Variants in SFT2D2 observed in about 807,000 individuals in gnomAD.
The protein encoded by SFT2D2 is vesicle transport protein SFT2B.
In SFT2D2, 21 loss-of-function variants were observed where a neutral mutation model predicts 27.4. The ratio of observed to expected loss-of-function variants is 0.77; its 90% CI spans 0.54 to 1.10. The LOEUF (loss-of-function observed/expected upper bound fraction) is 1.10. SFT2D2 is among the 50% of genes least tolerant of loss of function. The probability of loss-of-function intolerance (pLI) is 0.00; values close to 1 mark genes in which losing one functional copy is unlikely to be tolerated. For synonymous variants in SFT2D2, 72 were observed against 71.7 expected (o/e 1.00, Z -0.02); for missense variants, 187 against 194.2 (o/e 0.96, Z 0.22).
At chr1:168,230,231 T>C (rs1700498638) in intron 1 of SFT2D2, among the ~76,000 whole-genome samples, 1 of 152,150 alleles carries the variant, frequency 6.6e-6, no homozygotes, top group Non-Finnish European at 1.5e-5. Context: ...GTCTAATGAC[T>C]CTTGACTTTC....
intron 3 of SFT2D2, among the ~76,000 whole-genome samples, chr1:168,233,293 T>C (rs749518185): frequency 6.6e-6 from 1 of 152,234 alleles, no homozygotes; most frequent in African/African-American, 2.4e-5. Flanking sequence ...AAGCTACCTC[T>C]TCTATGAAGC....
intron 1 of SFT2D2, among the ~76,000 whole-genome samples, chr1:168,230,914 GT>G (rs11305772): frequency 0.58 from 88,401 of 151,992 alleles, 26,240 homozygotes; most frequent in Non-Finnish European, 0.65. Flanking sequence ...GACTCAGGAT[GT>G]AACAGGACAG....
chr1:168,246,930 T>C lies in SFT2D2; in HGVS notation c.*4390T>C, dbSNP rs756080950. ...TTCCAGGATTTGATTTTTTATTGTG[T>C]GTATTTCCAGCCTGAGCCTGGCAAT... On this transcript the variant is annotated 3_prime_UTR_variant, in exon 8 of 8. Coordinates refer to ENST00000271375, the MANE Select transcript of SFT2D2 (RefSeq NM_199344.3). The C allele has an allele frequency of 3.2e-6, 2 of 627,126 alleles. No homozygotes were observed. The highest frequency in any genetic ancestry group is 3.7e-5 in the African/African-American group (2 of 54,100). The allele number at this position is 627,126 out of a possible 1,614,324, so 38.8% of individuals were successfully genotyped here. A position where few individuals can be genotyped will look rare whatever the true frequency, so the allele number is the denominator to read the frequency against.
Position 168,231,071 on chromosome 1 carries a change from C to T in SFT2D2, c.64-443C>T, listed in dbSNP as rs550359632. 1.2e-3 allele frequency among the ~76,000 whole-genome samples: 183 copies of T among 152,224 alleles called. 2 individuals are homozygous for T. Among genetic ancestry groups the T allele is most frequent in the African/African-American group, 4.2e-3 (176 of 41,530 alleles). ...ACCAGTGGAGCAGCTGCTTGAGTGC[C>T]GTCCCCTCATCTTTTCCTTATTTCC... On this transcript the variant is annotated intron_variant, in intron 1 of 7. Transcript: ENST00000271375.
rs1418035037 is a variant in SFT2D2, at chr1:168,252,908, T to A, written c.*10368T>A. The A allele has an allele frequency of 6.6e-6, 1 of 152,254 alleles. No individual in the cohort carries two copies. The highest frequency in any genetic ancestry group is 1.5e-5 in the Non-Finnish European group (1 of 68,046). 9.4% of individuals were successfully genotyped at this position (152,254 alleles called of 1,614,324 possible). ...TTTCATTTACTAAATATTGTTTTCT[T>A]TATGCTAACTTAACTTTAAAAGGAA... On this transcript the variant is annotated 3_prime_UTR_variant, in exon 8 of 8. Coordinates refer to ENST00000271375, the MANE Select transcript of SFT2D2 (RefSeq NM_199344.3).
rs139098348 is a variant in SFT2D2 at position 168,226,085 on chromosome 1, C to G, written c.6C>G (p.Asp2Glu). ...CTGGTGGGGACTGGGCCGCAATGGA[C>G]AAGCTGAAGAAGGTGCTGAGCGGGC... Reference protein sequence around the residue: MDKLKKVLSGQD... With the variant: MEKLKKVLSGQD... The change falls in exon 1 of 8, where the codon GAC becomes GAG. Residue 2 changes from aspartate (D) to glutamate (E), a missense_variant. Physicochemically the swap from Asp to Glu is conservative, Grantham distance 45 (BLOSUM62 2). Transcript: ENST00000271375. The G allele has an allele frequency of 6.5e-7, 1 of 1,533,782 alleles. No homozygotes were observed. The highest frequency in any genetic ancestry group is 8.8e-7 in the Non-Finnish European group (1 of 1,139,392).
rs1254575021 is a variant in SFT2D2, at chr1:168,239,258, T to G, written c.443+98T>G. 8.4e-6 allele frequency: 8 copies of G among 952,180 alleles called. No individual in the cohort carries two copies. In the Admixed American group the frequency reaches 1.5e-4, roughly 18 times the overall value. 59.0% of individuals were successfully genotyped at this position (952,180 alleles called of 1,614,324 possible). A position where few individuals can be genotyped will look rare whatever the true frequency, so the allele number is the denominator to read the frequency against. ...ATTTTATTTATCTTTACTGAAGTCT[T>G]TTGAGTCAAGTAGACAAATACTATA... is the stretch of plus-strand genomic sequence containing the variant. On this transcript the variant is annotated intron_variant, in intron 7 of 7. Coordinates refer to ENST00000271375, the MANE Select transcript of SFT2D2 (RefSeq NM_199344.3).
At chr1:168,239,233 A>G (rs1400825094) in intron 7 of SFT2D2, 73 bp downstream of exon 7, 8 of 1,145,848 alleles carry the variant, frequency 7.0e-6, no homozygotes, top group Non-Finnish European at 1.0e-5. Flanking sequence ...AGTATAGCCT[A>G]TTTTATTTAT....
Position 168,245,086 on chromosome 1 carries a change from A to T in SFT2D2, c.*2546A>T, listed in dbSNP as rs1395177970. The T allele has an allele frequency of 6.6e-6, 1 of 152,302 alleles. No homozygotes were observed. Among genetic ancestry groups the T allele is most frequent in the East Asian group, 1.9e-4 (1 of 5,176 alleles). 9.4% of individuals were successfully genotyped at this position (152,302 alleles called of 1,614,324 possible). On this transcript the variant is annotated 3_prime_UTR_variant, in exon 8 of 8. Coordinates refer to ENST00000271375, the MANE Select transcript of SFT2D2 (RefSeq NM_199344.3). ...TGTACTGAAAATTCTAGCCACTGCAATCATGTTTTAATTGGGAGTAGGGGG... is the reference window on the plus strand; with the variant it reads ...TGTACTGAAAATTCTAGCCACTGCATTCATGTTTTAATTGGGAGTAGGGGG...
rs1275843590 is a variant in SFT2D2 at position 168,245,686 on chromosome 1, C to T, written c.*3146C>T. 1 of 150,994 alleles carries T rather than the reference C, an allele frequency of 6.6e-6. No individual in the cohort carries two copies. The highest frequency in any genetic ancestry group is 1.5e-5 in the Non-Finnish European group (1 of 67,948). The allele number at this position is 150,994 out of a possible 1,614,324, so 9.4% of individuals were successfully genotyped here. A position where few individuals can be genotyped will look rare whatever the true frequency, so the allele number is the denominator to read the frequency against. On this transcript the variant is annotated 3_prime_UTR_variant, in exon 8 of 8. Transcript: ENST00000271375. ...CAGCTGGTTCCTAACAGGTCATGGACCTGTCCATGGCCTGTAGGTTGGGAA... is the reference window on the plus strand; with the variant it reads ...CAGCTGGTTCCTAACAGGTCATGGATCTGTCCATGGCCTGTAGGTTGGGAA...
rs566405494 is a variant in SFT2D2, at chr1:168,249,619, G to C, written c.*7079G>C. 2.6e-5 allele frequency: 4 copies of C among 152,810 alleles called. No homozygotes were observed. Among genetic ancestry groups the C allele is most frequent in the African/African-American group, 9.6e-5 (4 of 41,584 alleles). The allele number at this position is 152,810 out of a possible 1,614,324, so 9.5% of individuals were successfully genotyped here. A position where few individuals can be genotyped will look rare whatever the true frequency, so the allele number is the denominator to read the frequency against. ...AAGATGTCACCTGTATAGCATACTA[G>C]TAGTGAATGTAGGCTTTGAAGTCAG... On this transcript the variant is annotated 3_prime_UTR_variant, in exon 8 of 8. Coordinates refer to ENST00000271375, the MANE Select transcript of SFT2D2 (RefSeq NM_199344.3).
In SFT2D2 at chr1:168,242,833, AC is replaced by A; in HGVS notation, c.*295del. ...TCCCACTGAATTCCCATGAATACAA[AC>A]CTATTCAGCAACAGCACATAAGCCT... On this transcript the variant is annotated 3_prime_UTR_variant, in exon 8 of 8. Transcript: ENST00000271375. The A allele has an allele frequency of 2.4e-6, 1 of 413,104 alleles. No individual in the cohort carries two copies. The highest frequency in any genetic ancestry group is 4.5e-6 in the Non-Finnish European group (1 of 220,088). The allele number at this position is 413,104 out of a possible 1,614,324, so 25.6% of individuals were successfully genotyped here. A position where few individuals can be genotyped will look rare whatever the true frequency, so the allele number is the denominator to read the frequency against.
Position 168,242,800 on chromosome 1 carries a change from G to A in SFT2D2, c.*260G>A, listed in dbSNP as rs1207086256. 1 of 490,134 alleles carries A rather than the reference G, an allele frequency of 2.0e-6. No homozygotes were observed. 30.4% of individuals were successfully genotyped at this position (490,134 alleles called of 1,614,324 possible). The stretch of plus-strand genomic sequence containing the variant: ...TTCCTCATGTACCTGTTTCCTCTCT[G>A]GATGTTGTCCCACTGAATTCCCATG... On this transcript the variant is annotated 3_prime_UTR_variant, in exon 8 of 8. Transcript: ENST00000271375.
rs1035095085 is a variant in SFT2D2, at chr1:168,245,555, C to G, written c.*3015C>G. 2.1e-5 allele frequency: 3 copies of G among 143,012 alleles called. No individual in the cohort carries two copies. Among genetic ancestry groups the G allele is most frequent in the Non-Finnish European group, 4.5e-5 (3 of 66,676 alleles). The allele number at this position is 143,012 out of a possible 1,614,324, so 8.9% of individuals were successfully genotyped here. On this transcript the variant is annotated 3_prime_UTR_variant, in exon 8 of 8. Transcript: ENST00000271375. ...GATATAATGCAGTCCCCATCCAAAGCCAAGCAGGCTTTTTTTTTTTTTTTT... is the reference window on the plus strand; with the variant it reads ...GATATAATGCAGTCCCCATCCAAAGGCAAGCAGGCTTTTTTTTTTTTTTTT...
At position 168,235,098 on chromosome 1, in the gene SFT2D2, T is replaced by C. The variant is rs771406498; in HGVS notation, c.237-3T>C. 1.7e-5 allele frequency: 28 copies of C among 1,613,922 alleles called. No homozygotes were observed. Among genetic ancestry groups the C allele is most frequent in the Non-Finnish European group, 2.3e-5 (27 of 1,180,006 alleles). ...GGCTTGTGTGCGTGTGTTTGCCTTT[T>C]AGTACCATCTTCCTCATGGGACCAG... On this transcript the variant is annotated splice_region_variant and splice_polypyrimidine_tract_variant and intron_variant, in intron 3 of 7. Transcript: ENST00000271375.
At chr1:168,232,969 C>T (rs964488952) in intron 3 of SFT2D2, among the ~76,000 whole-genome samples, 1 of 152,230 alleles carries the variant, frequency 6.6e-6, no homozygotes, top group African/African-American at 2.4e-5. Flanking sequence ...CATTGCCCCT[C>T]TCAAGGCCAT....
chr1:168,226,253 T>G, intron 1 of SFT2D2, 111 bp downstream of exon 1: 1 of 908,808 alleles, frequency 1.1e-6, no homozygotes, highest in Non-Finnish European at 1.6e-6. Context: ...ACGGTAGCTC[T>G]GCCCCTTCTC....
intron 6 of SFT2D2, among the ~76,000 whole-genome samples, chr1:168,238,446 A>G (rs1486334891): frequency 3.9e-5 from 6 of 151,986 alleles, no homozygotes; most frequent in African/African-American, 1.5e-4. Context: ...GCTTGAAGCC[A>G]GGAGTTTGAG....
chr1:168,233,036 C>T (rs1369830339), intron 3 of SFT2D2, among the ~76,000 whole-genome samples: 2 of 152,172 alleles, frequency 1.3e-5, no homozygotes, highest in Admixed American at 6.5e-5. Flanking sequence ...CCTCAAGTGG[C>T]CCCCTGTTTT....
Sources: gnomAD v4.1 joint callset for allele counts (sites outside exome capture counted in the v4.1 genomes callset) on GRCh38, gnomAD v4.1.1 for gene constraint, MANE v1.5 for transcripts, NCBI Gene and HGNC (gene_info 2026-07-23, HGNC 2026-07-21) for gene names.